Variants in SAMMSON observed in about 807,000 individuals in gnomAD.
SAMMSON encodes survival associated mitochondrial melanoma specific oncogenic non-coding RNA, also known as long intergenic non-protein coding RNA 1212.
chr3:70,017,604 G>T (rs528219561), intron 3 of SAMMSON, among the ~76,000 whole-genome samples: 2 of 152,210 alleles, frequency 1.3e-5, no homozygotes, highest in Admixed American at 1.3e-4. Flanking sequence ...GCCCTGGCCA[G>T]AACTTCTAAC....
At chr3:70,275,195 T>C (rs1203018106) in intron 6 of SAMMSON, among the ~76,000 whole-genome samples, 1 of 152,200 alleles carries the variant, frequency 6.6e-6, no homozygotes, top group Non-Finnish European at 1.5e-5. Context: ...GTTTTATATA[T>C]TGTGCTTCTG....
chr3:70,037,174 C>T (rs1422379986), intron 3 of SAMMSON, among the ~76,000 whole-genome samples: 1 of 150,782 alleles, frequency 6.6e-6, no homozygotes, highest in Admixed American at 6.6e-5. Context: ...TTTTTTTTTC[C>T]ACCCCTCCTT....
chr3:70,381,890 A>C (rs766566507), intron 9 of SAMMSON, among the ~76,000 whole-genome samples: 2 of 152,166 alleles, frequency 1.3e-5, no homozygotes, highest in Admixed American at 6.6e-5. Flanking sequence ...AAATCACATG[A>C]ATCCACTATA....
At chr3:70,271,955 G>C (rs1701979738) in intron 6 of SAMMSON, 1 of 152,182 alleles carries the variant, frequency 6.6e-6, no homozygotes. Flanking sequence ...TAGAGACAAC[G>C]TTTCATCATG....
intron 4 of SAMMSON, among the ~76,000 whole-genome samples, chr3:70,104,354 G>C (rs1490617309): frequency 6.6e-6 from 1 of 151,742 alleles, no homozygotes; most frequent in Non-Finnish European, 1.5e-5. Context: ...GGAGCTACCA[G>C]TTCCTACCTC....
intron 4 of SAMMSON, chr3:70,172,908 C>T (rs1422470529): frequency 1.3e-5 from 2 of 151,876 alleles, no homozygotes; most frequent in Admixed American, 1.3e-4. Context: ...TTTTAATAAA[C>T]ATCACTTCAT....
At chr3:70,056,504 C>T (rs543154985) in intron 3 of SAMMSON, among the ~76,000 whole-genome samples, 17 of 151,912 alleles carry the variant, frequency 1.1e-4, no homozygotes, top group South Asian at 4.2e-4. Flanking sequence ...AACAACCTGT[C>T]CCCTTTTCCA....
intron 4 of SAMMSON, among the ~76,000 whole-genome samples, chr3:70,092,891 C>G (rs976181303): frequency 7.2e-6 from 1 of 139,836 alleles, no homozygotes; most frequent in Non-Finnish European, 1.5e-5. Flanking sequence ...GATGTGTTGT[C>G]TAGTGTTTTT....
chr3:70,229,305 A>G (rs570045356), intron 4 of SAMMSON, among the ~76,000 whole-genome samples: 2 of 152,328 alleles, frequency 1.3e-5, no homozygotes, highest in African/African-American at 4.8e-5. Context: ...GTCAGTGCCT[A>G]TATTAGGAAT....
chr3:70,190,603 G>A (rs1701124285), intron 4 of SAMMSON, among the ~76,000 whole-genome samples: 1 of 152,174 alleles, frequency 6.6e-6, no homozygotes, highest in South Asian at 2.1e-4. Context: ...TTACATGCAG[G>A]AGGATTTTGG....
intron 4 of SAMMSON, among the ~76,000 whole-genome samples, chr3:70,181,364 T>A (rs1701052157): frequency 6.6e-6 from 1 of 152,278 alleles, no homozygotes; most frequent in East Asian, 1.9e-4. Flanking sequence ...GGAATGCAAG[T>A]GTGGTTTTTC....
At chr3:70,303,271 T>C (rs957904554) in intron 7 of SAMMSON, among the ~76,000 whole-genome samples, 6 of 152,170 alleles carry the variant, frequency 3.9e-5, no homozygotes, top group African/African-American at 1.4e-4. Flanking sequence ...AAGAAGCATC[T>C]ACCTCTCATT....
intron 9 of SAMMSON, among the ~76,000 whole-genome samples, chr3:70,384,517 C>T (rs1014785063): frequency 2.6e-5 from 4 of 151,920 alleles, no homozygotes; most frequent in African/African-American, 9.7e-5. Context: ...TTTTGCTCTC[C>T]TCCGGACATA....
At chr3:70,171,829 C>T (rs6764061) in intron 4 of SAMMSON, among the ~76,000 whole-genome samples, 1 of 151,824 alleles carries the variant, frequency 6.6e-6, no homozygotes, top group African/African-American at 2.4e-5. Flanking sequence ...GAATGAATCT[C>T]CCACCCCTGC....
At chr3:70,044,380 T>G (rs566645704) in intron 3 of SAMMSON, among the ~76,000 whole-genome samples, 1 of 152,154 alleles carries the variant, frequency 6.6e-6, no homozygotes, top group South Asian at 2.1e-4. Flanking sequence ...TGCTAAAGTT[T>G]GAGAAATAAG....
rs185804836 is a variant in SAMMSON at position 70,219,802 on chromosome 3, A to C, written n.508-29305A>C. On this transcript the variant is annotated intron_variant and non_coding_transcript_variant, in intron 4 of 9. Transcript: ENST00000642114. The stretch of plus-strand genomic sequence containing the variant: ...TCAAAAGTGAAGGACAAAGAATTCA[A>C]GTTATGATGGCAAAATGATGCCAAA... Among the ~76,000 whole-genome samples, 33 of 152,296 alleles carry C rather than the reference A, an allele frequency of 2.2e-4. No individual in the cohort carries two copies. The East Asian group carries it at 5.8e-3, about 27-fold the overall frequency.
chr3:70,037,363 T>A (rs1489150390), intron 3 of SAMMSON, among the ~76,000 whole-genome samples: 1 of 151,980 alleles, frequency 6.6e-6, no homozygotes, highest in Non-Finnish European at 1.5e-5. Context: ...TGTTAAGAAA[T>A]CCCTCTCAGG....
chr3:70,303,190 A>G (rs1702366670), intron 7 of SAMMSON, among the ~76,000 whole-genome samples: 1 of 152,128 alleles, frequency 6.6e-6, no homozygotes, highest in African/African-American at 2.4e-5. Flanking sequence ...CTCTTAGAGT[A>G]GACATTATGT....
Position 70,333,258 on chromosome 3 carries a change from A to G in SAMMSON, n.740-20917A>G, listed in dbSNP as rs1287270898. ...TCATTTCCCATCCTCCTTTGCACCTAGAACAGAAACATGTGACCTGATCCT... is the reference window on the plus strand; with the variant it reads ...TCATTTCCCATCCTCCTTTGCACCTGGAACAGAAACATGTGACCTGATCCT... On this transcript the variant is annotated intron_variant and non_coding_transcript_variant, in intron 7 of 9. Coordinates refer to ENST00000642114, the Ensembl canonical transcript of SAMMSON. Among the ~76,000 whole-genome samples the G allele has an allele frequency of 2.0e-5, 3 of 152,174 alleles. No homozygotes were observed. The East Asian group carries it at 5.8e-4, about 29-fold the overall frequency.
Sources: gnomAD v4.1 joint callset for allele counts (sites outside exome capture counted in the v4.1 genomes callset) on GRCh38, gnomAD v4.1.1 for gene constraint, MANE v1.5 for transcripts, NCBI Gene and HGNC (gene_info 2026-07-23, HGNC 2026-07-21) for gene names.